RAF1: variants seen among roughly 807,000 people sequenced by gnomAD.
RAF1 encodes the protein RAF proto-oncogene serine/threonine-protein kinase.
RAF1 carries 27 observed loss-of-function variants against 81.1 expected under a neutral mutation model. That is an observed-to-expected ratio of 0.33 (90% CI 0.25 to 0.46). The LOEUF (loss-of-function observed/expected upper bound fraction) is 0.46. Among genes scored for constraint, RAF1 ranks in the 20% least tolerant of loss-of-function variants. The pLI is 1.00. For missense variants in RAF1, 598 were observed against 826.0 expected, an observed-to-expected ratio of 0.72 and a Z score of 3.38; for synonymous variants, 298 against 294.0, an observed-to-expected ratio of 1.01 and a Z score of -0.14.
intron 11 of RAF1, among the ~76,000 whole-genome samples, chr3:12,599,470 G>T (rs1223667169): frequency 6.6e-6 from 1 of 152,070 alleles, no homozygotes; most frequent in East Asian, 1.9e-4. Context: ...TTGATTATAG[G>T]GCTCAAGTCT....
intron 1 of RAF1, among the ~76,000 whole-genome samples, chr3:12,628,843 C>G (rs2059786929): frequency 6.6e-6 from 1 of 151,698 alleles, no homozygotes; most frequent in African/African-American, 2.4e-5. Context: ...CCTCTGTTTC[C>G]CACATTCAAG....
At chr3:12,587,837 CT>C (rs374515740) in intron 13 of RAF1, 200 bp from the exon 13 acceptor site, 19,325 of 193,916 alleles carry the variant, frequency 0.1, 55 homozygotes, top group South Asian at 0.17. Flanking sequence ...ATGCTTACAC[CT>C]TTTTTTTTTT....
intron 2 of RAF1, among the ~76,000 whole-genome samples, chr3:12,615,195 TGGTCCTC>T (rs1318541060): frequency 6.6e-6 from 1 of 152,200 alleles, no homozygotes; most frequent in African/African-American, 2.4e-5. Context: ...CTAATAGTAG[TGGTCCTC>T]GGCTCCAGTC....
chr3:12,607,300 A>G (rs1310527875), intron 5 of RAF1, among the ~76,000 whole-genome samples: 1 of 152,162 alleles, frequency 6.6e-6, no homozygotes, highest in Non-Finnish European at 1.5e-5. Context: ...GAAAACTCAG[A>G]TGTGGTTATG....
At chr3:12,654,599 C>T (rs1050535080) in intron 1 of RAF1, among the ~76,000 whole-genome samples, 45 of 150,908 alleles carry the variant, frequency 3.0e-4, no homozygotes, top group African/African-American at 1.1e-3. Context: ...GAGACTGTGT[C>T]ACTCACAACA....
At chr3:12,590,091 GAA>G (rs1377243726) in intron 13 of RAF1, 2 of 147,634 alleles carry the variant, frequency 1.4e-5, no homozygotes, top group Admixed American at 6.9e-5. Context: ...GCCTGGCCAG[GAA>G]AAAGTTTTTA....
At chr3:12,617,441 G>A (rs768798779) in intron 2 of RAF1, among the ~76,000 whole-genome samples, 2 of 151,898 alleles carry the variant, frequency 1.3e-5, no homozygotes, top group Non-Finnish European at 2.9e-5. Context: ...TTTTTGTAGA[G>A]ATGGGGTTTG....
intron 1 of RAF1, among the ~76,000 whole-genome samples, chr3:12,658,320 G>A (rs920272495): frequency 6.6e-6 from 1 of 152,278 alleles, no homozygotes; most frequent in South Asian, 2.1e-4. Flanking sequence ...AGTTATGTGA[G>A]GGCTGGGCGT....
chr3:12,656,282 T>C (rs931823157), intron 1 of RAF1, among the ~76,000 whole-genome samples: 1 of 151,944 alleles, frequency 6.6e-6, no homozygotes, highest in African/African-American at 2.4e-5. Flanking sequence ...CTAAAACCTA[T>C]GAATGCAAAA....
chr3:12,645,649 G>T (rs1335333152), intron 1 of RAF1, among the ~76,000 whole-genome samples: 1 of 152,176 alleles, frequency 6.6e-6, no homozygotes, highest in African/African-American at 2.4e-5. Flanking sequence ...TTTAGGCACT[G>T]AACTCAGAAA....
chr3:12,597,758 T>C (rs2058730003), intron 11 of RAF1, among the ~76,000 whole-genome samples: 1 of 151,660 alleles, frequency 6.6e-6, no homozygotes, highest in Non-Finnish European at 1.5e-5. Context: ...CTACAAAAAA[T>C]ACAAAAATTA....
rs561278412 is a variant in RAF1 at position 12,642,109 on chromosome 3, T to C, written c.-27+21704A>G. Among the ~76,000 whole-genome samples, 361 of 149,716 alleles carry C rather than the reference T, an allele frequency of 2.4e-3. 2 individuals carry two copies. Among genetic ancestry groups the C allele is most frequent in the African/African-American group, 8.2e-3 (336 of 40,736 alleles). ...GTTGCAGTGAGCCCAGATCGTGCCA[T>C]TGCACTCCAGCCTGGGCAACAAGAG... On this transcript the variant is annotated intron_variant, in intron 1 of 17. Coordinates refer to ENST00000442415, the MANE Select transcript of RAF1 (RefSeq NM_001354689.3).
intron 11 of RAF1, among the ~76,000 whole-genome samples, chr3:12,594,118 A>G (rs1328639460): frequency 1.3e-5 from 2 of 152,284 alleles, no homozygotes; most frequent in African/African-American, 2.4e-5. Context: ...GGAGAGAAAG[A>G]GGGAGACCAG....
At chr3:12,587,526 G>A in intron 14 of RAF1, 65 bp downstream of exon 13, 1 of 1,420,050 alleles carries the variant, frequency 7.0e-7, no homozygotes, top group Non-Finnish European at 1.0e-6. Flanking sequence ...GTGATAGAAA[G>A]CCTCCCTTCT....
chr3:12,587,872 C>A, intron 13 of RAF1: 9 of 316,808 alleles, frequency 2.8e-5, no homozygotes, highest in Non-Finnish European at 4.5e-5. Context: ...GGAGTGCAGT[C>A]AATAGCTTAC....
intron 1 of RAF1, among the ~76,000 whole-genome samples, chr3:12,663,248 T>C (rs2060938702): frequency 6.6e-6 from 1 of 152,168 alleles, no homozygotes; most frequent in South Asian, 2.1e-4. Context: ...CAATCCTCTA[T>C]AAGTATCCCA....
At chr3:12,611,044 C>T (rs1235863293) in intron 3 of RAF1, among the ~76,000 whole-genome samples, 2 of 151,972 alleles carry the variant, frequency 1.3e-5, no homozygotes, top group Non-Finnish European at 2.9e-5. Flanking sequence ...GTCAATCTCC[C>T]GAGGATAGCA....
intron 2 of RAF1, 90 bp from the exon 3 acceptor site, chr3:12,612,152 G>A (rs2125432226): frequency 4.1e-6 from 4 of 968,618 alleles, no homozygotes; most frequent in East Asian, 2.4e-5. Context: ...AGTCTGTATT[G>A]CTTGTGATGG....
At chr3:12,623,049 A>G (rs2059596852) in intron 1 of RAF1, among the ~76,000 whole-genome samples, 2 of 152,148 alleles carry the variant, frequency 1.3e-5, no homozygotes, top group African/African-American at 4.8e-5. Flanking sequence ...TTTTCCAGCA[A>G]GATGAACTGT....
Sources: allele counts gnomAD v4.1 joint callset (sites outside exome capture counted in the v4.1 genomes callset), GRCh38; gene constraint gnomAD v4.1.1; transcripts MANE v1.5; gene names NCBI Gene and HGNC (gene_info 2026-07-23, HGNC 2026-07-21).